The following MRAP2 variants were observed in gnomAD, a reference collection of about 807,000 sequenced individuals.
MRAP2 encodes the protein melanocortin-2 receptor accessory protein 2.
MRAP2 carries 20 observed loss-of-function variants against 17.4 expected under a neutral mutation model. The observed-to-expected ratio is 1.15, with a 90% CI of 0.81 to 1.67. MRAP2 has a LOEUF of 1.67. Among genes scored for constraint, MRAP2 ranks in the 40% most tolerant of loss-of-function variants. The probability of loss-of-function intolerance (pLI) is 0.00; values close to 1 mark genes in which losing one functional copy is unlikely to be tolerated. For missense variants in MRAP2, 238 were observed against 240.0 expected, an observed-to-expected ratio of 0.99 and a Z score of 0.05; for synonymous variants, 96 against 88.4, an observed-to-expected ratio of 1.09 and a Z score of -0.48.
downstream of MRAP2, among the ~76,000 whole-genome samples, chr6:84,092,358 A>G (rs780532653): frequency 2.7e-4 from 41 of 152,084 alleles, no homozygotes; most frequent in African/African-American, 2.4e-5. Flanking sequence ...TATCCATTCT[A>G]TATGCACAAT....
intron 3 of MRAP2, among the ~76,000 whole-genome samples, chr6:84,070,117 T>C (rs184322588): frequency 6.6e-6 from 1 of 152,254 alleles, no homozygotes; most frequent in East Asian, 1.9e-4. Flanking sequence ...TCTTGGTTAT[T>C]ACCTTTCTTC....
At chr6:84,100,281 G>A in the MRAP2 span, among the ~76,000 whole-genome samples, 1 of 151,842 alleles carries the variant, frequency 6.6e-6, no homozygotes, top group African/African-American at 2.4e-5. Flanking sequence ...TTTGGTTTTT[G>A]AGACAGGGTC....
the MRAP2 span, among the ~76,000 whole-genome samples, chr6:84,132,612 C>G: frequency 6.6e-6 from 1 of 152,126 alleles, no homozygotes; most frequent in Non-Finnish European, 1.5e-5. Context: ...ATCACTGATA[C>G]CCTTTCTTCC....
intron 1 of MRAP2, among the ~76,000 whole-genome samples, chr6:84,047,142 A>C (rs560186663): frequency 6.6e-6 from 1 of 151,998 alleles, no homozygotes; most frequent in African/African-American, 2.4e-5. Context: ...GTGATTTGGA[A>C]GCACTGCTTA....
chr6:84,086,735 C>T (rs2099500563), intron 3 of MRAP2, among the ~76,000 whole-genome samples: 1 of 152,070 alleles, frequency 6.6e-6, no homozygotes, highest in Non-Finnish European at 1.5e-5. Context: ...CCTCAGGGGG[C>T]AGGAAAGGCA....
At chr6:84,055,766 T>C (rs915185577) in intron 2 of MRAP2, among the ~76,000 whole-genome samples, 2 of 152,208 alleles carry the variant, frequency 1.3e-5, no homozygotes, top group Non-Finnish European at 2.9e-5. Context: ...GTTTGAACTA[T>C]CAAAAATATG....
intron 3 of MRAP2, among the ~76,000 whole-genome samples, chr6:84,081,406 C>T (rs909909554): frequency 2.6e-5 from 4 of 152,186 alleles, no homozygotes; most frequent in African/African-American, 7.2e-5. Flanking sequence ...AGTTGTAATC[C>T]CCATGTGTCA....
At chr6:84,033,725 T>C, upstream of MRAP2, 5 of 985,148 alleles carry the variant, frequency 5.1e-6, no homozygotes, top group Non-Finnish European at 6.0e-6. Flanking sequence ...CCGCCTCCGC[T>C]GCGGGTCGGG....
chr6:84,062,369 G>T (rs2099493377), intron 2 of MRAP2: 2 of 276,840 alleles, frequency 7.2e-6, no homozygotes, highest in South Asian at 2.8e-4. Context: ...TCCTTTTTCT[G>T]TCCCTAAATC....
chr6:84,077,563 C>CT (rs749293988), intron 3 of MRAP2, among the ~76,000 whole-genome samples: 5 of 152,184 alleles, frequency 3.3e-5, no homozygotes, highest in Non-Finnish European at 7.3e-5. Context: ...ATACTTAGGT[C>CT]TTCTTCAATT....
chr6:84,076,776 T>A (rs1234679821), intron 3 of MRAP2, among the ~76,000 whole-genome samples: 1 of 152,232 alleles, frequency 6.6e-6, no homozygotes. Context: ...GTTGTCAGCA[T>A]GCTAAGACCA....
the MRAP2 span, among the ~76,000 whole-genome samples, chr6:84,100,955 A>G: frequency 6.6e-6 from 1 of 151,220 alleles, no homozygotes; most frequent in Non-Finnish European, 1.5e-5. Flanking sequence ...TGTTTATTCT[A>G]TTGTTTGATG....
intron 3 of MRAP2, among the ~76,000 whole-genome samples, chr6:84,064,489 T>G (rs749274598): frequency 1.3e-5 from 2 of 151,616 alleles, no homozygotes; most frequent in African/African-American, 2.4e-5. Flanking sequence ...TTTGTTTTGT[T>G]TTTTTGTTTG....
chr6:84,033,301 G>A (rs951345542), upstream of MRAP2, among the ~76,000 whole-genome samples: 5 of 152,172 alleles, frequency 3.3e-5, no homozygotes, highest in East Asian at 1.9e-4. Context: ...AGCCCTTTGG[G>A]ACCCCGTTTG....
chr6:84,063,598 A>G lies in MRAP2; in HGVS notation c.227+606A>G, dbSNP rs186480536. On this transcript the variant is annotated intron_variant, in intron 3 of 3. Coordinates refer to ENST00000257776, the MANE Select transcript of MRAP2 (RefSeq NM_138409.4). ...AGTATTACATGAGTGCTTAAAGAAC[A>G]TTGAGAAACATCAAAAAGTATTTGT... 3.7e-4 allele frequency among the ~76,000 whole-genome samples: 57 copies of G among 152,352 alleles called. No homozygotes were observed. In the East Asian group the frequency reaches 0.011, roughly 28 times the overall value.
the MRAP2 span, among the ~76,000 whole-genome samples, chr6:84,106,286 C>T: frequency 6.6e-5 from 10 of 152,170 alleles, no homozygotes; most frequent in African/African-American, 2.2e-4. Flanking sequence ...GCATTCTATA[C>T]GTCAGTGGTT....
At chr6:84,109,676 C>A in the MRAP2 span, among the ~76,000 whole-genome samples, 1 of 151,926 alleles carries the variant, frequency 6.6e-6, no homozygotes, top group African/African-American at 2.4e-5. Flanking sequence ...TAGGTATACA[C>A]GTGCCATAAT....
At chr6:84,131,678 TTG>T in the MRAP2 span, among the ~76,000 whole-genome samples, 66 of 152,124 alleles carry the variant, frequency 4.3e-4, no homozygotes, top group Admixed American at 7.2e-4. Context: ...TTTTTTTGTT[TTG>T]TTTTCCATTT....
downstream of MRAP2, among the ~76,000 whole-genome samples, chr6:84,092,006 T>C (rs1291489453): frequency 1.3e-5 from 2 of 152,218 alleles, no homozygotes; most frequent in Admixed American, 1.3e-4. Flanking sequence ...TGGGCTAAAA[T>C]CAAGGTGTTA....
Sources: allele counts gnomAD v4.1 joint callset (sites outside exome capture counted in the v4.1 genomes callset), GRCh38; gene constraint gnomAD v4.1.1; transcripts MANE v1.5; gene names NCBI Gene and HGNC (gene_info 2026-07-23, HGNC 2026-07-21).